NF1: variants seen among roughly 807,000 people sequenced by gnomAD.
The protein encoded by NF1 is neurofibromin 1.
Under a neutral mutation model 325.7 loss-of-function variants are expected in NF1, and 122 were observed. That is an observed-to-expected ratio of 0.37 (90% CI 0.32 to 0.44). NF1 has a LOEUF of 0.44. Among genes scored for constraint, NF1 ranks in the 20% least tolerant of loss-of-function variants. NF1 has a pLI of 1.00. For missense variants in NF1, 2,140 were observed against 3,415.4 expected, an observed-to-expected ratio of 0.63 and a Z score of 9.31; for synonymous variants, 1,091 against 1,186.0, an observed-to-expected ratio of 0.92 and a Z score of 1.65.
intron 36 of NF1, among the ~76,000 whole-genome samples, chr17:31,271,165 C>A (rs1189593693): frequency 2.6e-5 from 4 of 152,136 alleles, no homozygotes; most frequent in African/African-American, 4.8e-5. Flanking sequence ...GCATGAAAAC[C>A]TAACCAACAG....
At chr17:31,238,219 A>T (rs182537467) in intron 29 of NF1, among the ~76,000 whole-genome samples, 2 of 152,066 alleles carry the variant, frequency 1.3e-5, no homozygotes, top group Admixed American at 1.3e-4. Context: ...TTACCTCCAG[A>T]AGCCTCATCA....
At chr17:31,319,019 G>A in intron 36 of NF1, 1 of 1,588,136 alleles carries the variant, frequency 6.3e-7, no homozygotes, top group Non-Finnish European at 8.5e-7. Context: ...GGCATGCTTG[G>A]CAATCTGTTG....
chr17:31,163,179 A>G lies in NF1; in HGVS notation c.289-7A>G, dbSNP rs751506868. 1 of 1,613,768 alleles carries G rather than the reference A, an allele frequency of 6.2e-7. No homozygotes were observed. On this transcript the variant is annotated splice_region_variant and splice_polypyrimidine_tract_variant and intron_variant, in intron 3 of 57. Coordinates refer to ENST00000358273, the MANE Select transcript of NF1 (RefSeq NM_001042492.3). ...AGTTTAGAATAATGTGATTATTTCT[A>G]TTTTAGCAACCAAAGGACACAATGA...
At position 31,228,908 on chromosome 17, in the gene NF1, G is replaced by A. The variant is rs1006254809; in HGVS notation, c.2410-117G>A. ...GGTAATTTTATGGGTTGATTTTAAT[G>A]TATATTTTACATTTTTTGTACTTTT... On this transcript the variant is annotated intron_variant, in intron 20 of 57. Coordinates refer to ENST00000358273, the MANE Select transcript of NF1 (RefSeq NM_001042492.3). The A allele has an allele frequency of 3.7e-5, 28 of 754,686 alleles. No individual in the cohort carries two copies. In the African/African-American group the frequency reaches 4.8e-4, roughly 13 times the overall value. 46.7% of individuals were successfully genotyped at this position (754,686 alleles called of 1,614,324 possible).
rs757337764 is a variant in NF1, at chr17:31,337,541, T to A, written c.6601T>A (p.Ser2201Thr). Residue 2201 changes from serine to threonine, a missense_variant, in exon 43 of 58, where the codon TCC becomes ACC. By Grantham distance (58) the Ser-to-Thr change is moderately conservative. Around this residue, in one of 10 missense-constraint regions of NF1, gnomAD observed 180 missense variants for 435.1 expected, o/e 0.41. Transcript: ENST00000358273. Reference protein sequence around the residue: ...SYERETFALTSLETVTEALLE... With the variant: ...SYERETFALTTLETVTEALLE... ...TGAGAGAGAGACTTTTGCTTTGACA[T>A]CCTTGGAAACAGTCACAGAAGCTTT... 3 of 1,614,130 alleles carry A rather than the reference T, an allele frequency of 1.9e-6. No homozygotes were observed. Among genetic ancestry groups the A allele is most frequent in the Non-Finnish European group, 2.5e-6 (3 of 1,179,978 alleles).
intron 36 of NF1, chr17:31,271,921 A>C (rs945383353): frequency 3.3e-5 from 5 of 151,306 alleles, no homozygotes; most frequent in African/African-American, 4.9e-5. Context: ...ACACACACAC[A>C]CCCCACCTAC....
chr17:31,356,768 T>C (rs1434306085), intron 52 of NF1, 186 bp downstream of exon 52: 1 of 1,116,182 alleles, frequency 9.0e-7, no homozygotes, highest in East Asian at 2.6e-5. Context: ...ATTAATCATA[T>C]ATATTATATA....
In NF1 at chr17:31,375,303, C is replaced by T. The variant is rs1427783427; in HGVS notation, c.*1148C>T. The T allele has an allele frequency of 4.4e-6, 1 of 228,666 alleles. No individual in the cohort carries two copies. The highest frequency in any genetic ancestry group is 2.2e-5 in the African/African-American group (1 of 45,034). The allele number at this position is 228,666 out of a possible 1,614,324, so 14.2% of individuals were successfully genotyped here. A position where few individuals can be genotyped will look rare whatever the true frequency, so the allele number is the denominator to read the frequency against. On this transcript the variant is annotated 3_prime_UTR_variant, in exon 58 of 58. Coordinates refer to ENST00000358273, the MANE Select transcript of NF1 (RefSeq NM_001042492.3). ...CCTCCTCTCCAAAAAAATCAGAAAC[C>T]TCTTTAAGAAAACATGTAGGTTATA...
At chr17:31,144,945 G>A (rs1487415622) in intron 1 of NF1, among the ~76,000 whole-genome samples, 1 of 152,180 alleles carries the variant, frequency 6.6e-6, no homozygotes, top group Admixed American at 6.5e-5. Flanking sequence ...AATATAATCC[G>A]TGACATCGTC....
chr17:31,324,069 T>G (rs1470398004), intron 36 of NF1, among the ~76,000 whole-genome samples: 2 of 152,162 alleles, frequency 1.3e-5, no homozygotes, highest in Non-Finnish European at 2.9e-5. Flanking sequence ...TTTTTTTGGT[T>G]TTTTTTGTTT....
At chr17:31,358,456 C>G in intron 54 of NF1, 24 bp from the exon 55 acceptor site, 1 of 1,609,860 alleles carries the variant, frequency 6.2e-7, no homozygotes, top group Non-Finnish European at 8.5e-7. Flanking sequence ...AAATGTTCCT[C>G]TGTTGACTTT....
intron 1 of NF1, among the ~76,000 whole-genome samples, chr17:31,107,885 C>T (rs1273034161): frequency 6.6e-6 from 1 of 152,018 alleles, no homozygotes; most frequent in Non-Finnish European, 1.5e-5. Flanking sequence ...CACCTGTAAT[C>T]CCAGCACTTT....
chr17:31,367,219 G>A, intron 57 of NF1: 1 of 1,304,886 alleles, frequency 7.7e-7, no homozygotes, highest in Non-Finnish European at 1.0e-6. Flanking sequence ...TCCATTCTTT[G>A]TAAAGCTTCT....
chr17:31,301,412 A>G (rs529193703), intron 36 of NF1, among the ~76,000 whole-genome samples: 19 of 151,846 alleles, frequency 1.3e-4, no homozygotes, highest in African/African-American at 4.6e-4. Flanking sequence ...CACTGATTTG[A>G]TATTTATTTC....
intron 2 of NF1, among the ~76,000 whole-genome samples, chr17:31,158,408 C>G (rs1364422344): frequency 6.6e-6 from 1 of 152,078 alleles, no homozygotes; most frequent in Non-Finnish European, 1.5e-5. Flanking sequence ...GTGTGTGGGG[C>G]ACAGTTTAGT....
chr17:31,316,026 A>G (rs1368855002), intron 36 of NF1, among the ~76,000 whole-genome samples: 1 of 152,078 alleles, frequency 6.6e-6, no homozygotes, highest in Non-Finnish European at 1.5e-5. Context: ...CCTCTCGAGT[A>G]GCTAGGACTA....
chr17:31,165,343 T>C (rs554734028), intron 4 of NF1, among the ~76,000 whole-genome samples: 1 of 152,328 alleles, frequency 6.6e-6, no homozygotes, highest in East Asian at 1.9e-4. Context: ...GAAATAACAT[T>C]GTTTCAGACA....
chr17:31,291,697 A>G (rs969792587), intron 36 of NF1, among the ~76,000 whole-genome samples: 4 of 152,350 alleles, frequency 2.6e-5, no homozygotes, highest in Admixed American at 1.3e-4. Flanking sequence ...TGATAGCATC[A>G]TTATGGAAGA....
In NF1 at chr17:31,276,232, A is replaced by AG. The variant is rs1555620774; in HGVS notation, c.4835+10897dup. ...TCAAAAAAAAAAAAAAAAAAAAAAA[A>AG]GGGGCACAATAAGTATTGGAATTCA... On this transcript the variant is annotated intron_variant, in intron 36 of 57. Coordinates refer to ENST00000358273, the MANE Select transcript of NF1 (RefSeq NM_001042492.3). Among the ~76,000 whole-genome samples the AG allele has an allele frequency of 9.5e-4, 128 of 134,360 alleles. 2 individuals are homozygous for AG. The highest frequency in any genetic ancestry group is 3.9e-3 in the South Asian group (16 of 4,136). The allele number at this position is 134,360 out of a possible 152,430, so 88.1% of individuals were successfully genotyped here. A position where few individuals can be genotyped will look rare whatever the true frequency, so the allele number is the denominator to read the frequency against.
Sources: allele counts gnomAD v4.1 joint callset (sites outside exome capture counted in the v4.1 genomes callset), GRCh38; gene constraint gnomAD v4.1.1; regional missense constraint gnomAD v4.1.1; transcripts MANE v1.5; gene names NCBI Gene and HGNC (gene_info 2026-07-23, HGNC 2026-07-21).